The following PTPRG variants were observed in gnomAD, a reference collection of about 807,000 sequenced individuals.
PTPRG encodes receptor-type tyrosine-protein phosphatase gamma.
PTPRG carries 102 observed loss-of-function variants against 165.3 expected under a neutral mutation model. The observed-to-expected ratio is 0.62, with a 90% CI of 0.53 to 0.73. The LOEUF is 0.73. PTPRG is among the 30% of genes least tolerant of loss of function. The pLI is 0.00. For synonymous variants in PTPRG, 675 were observed against 669.5 expected (o/e 1.01, Z -0.13); for missense variants, 1,866 against 1,861.4 (o/e 1.00, Z -0.05).
rs118056002 is a variant in PTPRG at position 61,659,706 on chromosome 3, A to G, written c.86-89172A>G. Among the ~76,000 whole-genome samples, 460 of 152,302 alleles carry G rather than the reference A, an allele frequency of 3.0e-3. 9 individuals are homozygous for G. In the East Asian group the frequency reaches 0.041, roughly 14 times the overall value. ...CTGTATGGAGAAGGATTCTGAAGTC[A>G]TGTCTGGGTGCAGTGGGAGAGTGTC... On this transcript the variant is annotated intron_variant, in intron 1 of 29. Coordinates refer to ENST00000474889, the MANE Select transcript of PTPRG (RefSeq NM_002841.4).
At chr3:62,239,213 A>G (rs900784630) in intron 14 of PTPRG, among the ~76,000 whole-genome samples, 1 of 152,174 alleles carries the variant, frequency 6.6e-6, no homozygotes, top group Non-Finnish European at 1.5e-5. Flanking sequence ...GTGATCCTAG[A>G]AATCTGATTC....
intron 1 of PTPRG, among the ~76,000 whole-genome samples, chr3:61,684,484 C>T (rs1222487745): frequency 6.6e-6 from 1 of 152,164 alleles, no homozygotes; most frequent in African/African-American, 2.4e-5. Flanking sequence ...TTGCCACACT[C>T]CAGTGATATT....
intron 2 of PTPRG, among the ~76,000 whole-genome samples, chr3:61,918,713 C>A (rs988088100): frequency 3.9e-5 from 6 of 152,146 alleles, no homozygotes; most frequent in Non-Finnish European, 5.9e-5. Context: ...GAATTAGATA[C>A]CACAGGTGGA....
chr3:61,907,190 A>C (rs933415168), intron 2 of PTPRG, among the ~76,000 whole-genome samples: 1 of 152,040 alleles, frequency 6.6e-6, no homozygotes, highest in Non-Finnish European at 1.5e-5. Flanking sequence ...TTATTATAGA[A>C]TATGATAACT....
At chr3:61,747,494 T>G (rs1329163116) in intron 1 of PTPRG, among the ~76,000 whole-genome samples, 1 of 152,202 alleles carries the variant, frequency 6.6e-6, no homozygotes, top group Non-Finnish European at 1.5e-5. Flanking sequence ...AGGTTTACTT[T>G]TTAGGCTTGT....
At chr3:61,848,800 T>C (rs115498251) in intron 2 of PTPRG, among the ~76,000 whole-genome samples, 627 of 152,310 alleles carry the variant, frequency 4.1e-3, no homozygotes, top group African/African-American at 0.014. Context: ...TGTACTGTGC[T>C]CCTACTATGT....
At chr3:61,819,116 T>C (rs567452638) in intron 2 of PTPRG, among the ~76,000 whole-genome samples, 102 of 152,250 alleles carry the variant, frequency 6.7e-4, no homozygotes, top group African/African-American at 2.4e-3. Context: ...TTGACAGTAG[T>C]GTTATATGCC....
At chr3:61,874,993 G>T (rs1339843846) in intron 2 of PTPRG, among the ~76,000 whole-genome samples, 1 of 152,188 alleles carries the variant, frequency 6.6e-6, no homozygotes, top group African/African-American at 2.4e-5. Context: ...ACTCCATCAG[G>T]TATATGGGAT....
intron 1 of PTPRG, among the ~76,000 whole-genome samples, chr3:61,681,739 T>C (rs1461554096): frequency 6.6e-6 from 1 of 152,216 alleles, no homozygotes; most frequent in Non-Finnish European, 1.5e-5. Flanking sequence ...GTAGCCATTA[T>C]GATTTTTCTT....
chr3:61,834,280 C>G (rs561853118), intron 2 of PTPRG, among the ~76,000 whole-genome samples: 2 of 152,228 alleles, frequency 1.3e-5, no homozygotes, highest in East Asian at 1.9e-4. Flanking sequence ...TTTATATTGT[C>G]AAGTTTTTTC....
At chr3:61,624,415 T>C (rs1701548963) in intron 1 of PTPRG, among the ~76,000 whole-genome samples, 1 of 152,182 alleles carries the variant, frequency 6.6e-6, no homozygotes, top group Non-Finnish European at 1.5e-5. Flanking sequence ...CCAGGAACAC[T>C]GGAAGGTGAG....
chr3:61,885,688 T>TCCCCTCCC (rs1559669132), intron 2 of PTPRG, among the ~76,000 whole-genome samples: 4 of 107,502 alleles, frequency 3.7e-5, no homozygotes, highest in African/African-American at 1.4e-4. Context: ...TCTCCTCTCC[T>TCCCCTCCC]CTCCTCTCCT....
chr3:62,152,094 A>G (rs930055401), intron 6 of PTPRG, among the ~76,000 whole-genome samples: 1 of 152,148 alleles, frequency 6.6e-6, no homozygotes, highest in African/African-American at 2.4e-5. Context: ...AGCCAGGCAT[A>G]TGGGCTCACA....
chr3:62,101,899 A>G (rs1258148320), intron 5 of PTPRG, among the ~76,000 whole-genome samples: 1 of 152,236 alleles, frequency 6.6e-6, no homozygotes, highest in Non-Finnish European at 1.5e-5. Flanking sequence ...GCCGTACACA[A>G]ATAAACAGCA....
chr3:61,747,973 G>A (rs757817144), intron 1 of PTPRG, among the ~76,000 whole-genome samples: 3 of 152,164 alleles, frequency 2.0e-5, no homozygotes, highest in African/African-American at 4.8e-5. Flanking sequence ...AAAGAAATCC[G>A]CATCCATGAG....
At chr3:61,879,879 G>A (rs1483543775) in intron 2 of PTPRG, among the ~76,000 whole-genome samples, 1 of 152,130 alleles carries the variant, frequency 6.6e-6, no homozygotes. Flanking sequence ...CTTTGTATAA[G>A]CCTTTACGTT....
intron 2 of PTPRG, among the ~76,000 whole-genome samples, chr3:61,945,798 A>G (rs1444487763): frequency 6.6e-6 from 1 of 152,172 alleles, no homozygotes; most frequent in African/African-American, 2.4e-5. Flanking sequence ...CTGTCCTGAG[A>G]ACTCTGAATA....
chr3:62,257,759 A>C (rs1052469878), intron 16 of PTPRG, among the ~76,000 whole-genome samples: 2 of 152,178 alleles, frequency 1.3e-5, no homozygotes, highest in Admixed American at 6.5e-5. Flanking sequence ...GTTCCCAACC[A>C]GCCTGGACAA....
chr3:62,280,626 A>G (rs1297010706), intron 26 of PTPRG, among the ~76,000 whole-genome samples: 1 of 152,054 alleles, frequency 6.6e-6, no homozygotes. Flanking sequence ...GTAGATTGCT[A>G]GAGCCATGAT....
Sources: allele counts gnomAD v4.1 joint callset (sites outside exome capture counted in the v4.1 genomes callset), GRCh38; gene constraint gnomAD v4.1.1; transcripts MANE v1.5; gene names NCBI Gene and HGNC (gene_info 2026-07-23, HGNC 2026-07-21).